ABI3BP: variants seen among roughly 807,000 people sequenced by gnomAD.
ABI3BP encodes the protein target of Nesh-SH3.
Under a neutral mutation model 268.6 loss-of-function variants are expected in ABI3BP, and 216 were observed. The observed-to-expected ratio is 0.80, with a 90% CI of 0.72 to 0.90. The LOEUF is 0.90. ABI3BP is among the 40% of genes least tolerant of loss of function. The probability of loss-of-function intolerance (pLI) is 0.00; values close to 1 mark genes in which losing one functional copy is unlikely to be tolerated. For missense variants in ABI3BP, 2,090 were observed against 2,182.4 expected (o/e 0.96, Z 0.84); for synonymous variants, 730 against 730.0 (o/e 1.00, Z 0.00).
intron 63 of ABI3BP, among the ~76,000 whole-genome samples, chr3:100,762,544 G>A (rs2096030238): frequency 6.6e-6 from 1 of 151,982 alleles, no homozygotes; most frequent in Admixed American, 6.6e-5. Flanking sequence ...CTTTTTTTAT[G>A]ATCTCCAATT....
chr3:100,841,040 C>T (rs1037672568), intron 21 of ABI3BP, among the ~76,000 whole-genome samples, 182 bp from the exon 22 acceptor site: 27 of 151,502 alleles, frequency 1.8e-4, no homozygotes, highest in African/African-American at 6.1e-4. Context: ...TTCGACAAAG[C>T]GAACAAAAAA....
At chr3:100,938,426 C>T (rs1028127629) in intron 1 of ABI3BP, among the ~76,000 whole-genome samples, 7 of 151,970 alleles carry the variant, frequency 4.6e-5, no homozygotes, top group African/African-American at 1.7e-4. Flanking sequence ...TGTCCTGCCA[C>T]CAGGAATCCA....
chr3:100,863,212 A>T (rs1343909568), intron 12 of ABI3BP: 2 of 230,826 alleles, frequency 8.7e-6, no homozygotes, highest in Non-Finnish European at 1.6e-5. Context: ...TATTTCATTT[A>T]AATTTAAACC....
chr3:100,969,977 T>C (rs2082867146), intron 1 of ABI3BP, among the ~76,000 whole-genome samples: 2 of 152,214 alleles, frequency 1.3e-5, no homozygotes, highest in African/African-American at 2.4e-5. Context: ...TCATGTTACA[T>C]AGGAGTTACA....
rs997172564 is a variant in ABI3BP at position 100,813,853 on chromosome 3, A to G, written c.3290-118T>C. ...CCCTGAAAATCATGAGGTTATGGAG[A>G]GCCATACAGAATGTGCCCTATTTAA... On this transcript the variant is annotated intron_variant, in intron 44 of 67. Transcript: ENST00000471714. 7 of 834,356 alleles carry G rather than the reference A, an allele frequency of 8.4e-6. No individual in the cohort carries two copies. The African/African-American group carries it at 1.0e-4, about 12-fold the overall frequency. The allele number at this position is 834,356 out of a possible 1,614,324, so 51.7% of individuals were successfully genotyped here. A position where few individuals can be genotyped will look rare whatever the true frequency, so the allele number is the denominator to read the frequency against.
At chr3:100,852,503 C>T (rs74767329) in intron 14 of ABI3BP, among the ~76,000 whole-genome samples, 3,041 of 152,246 alleles carry the variant, frequency 0.02, 92 homozygotes, top group African/African-American at 0.068. Context: ...ACTTTGTAGA[C>T]AATAGGAGGT....
intron 63 of ABI3BP, among the ~76,000 whole-genome samples, chr3:100,758,904 A>G (rs774667957): frequency 1.6e-4 from 25 of 152,232 alleles, no homozygotes; most frequent in Non-Finnish European, 2.6e-4. Context: ...TTTCTTCTTT[A>G]GTGGAAGAGG....
intron 14 of ABI3BP, among the ~76,000 whole-genome samples, chr3:100,859,141 T>C (rs920546532): frequency 6.6e-6 from 1 of 152,168 alleles, no homozygotes; most frequent in African/African-American, 2.4e-5. Context: ...TTCTCCATCA[T>C]TGTAATAAGT....
At chr3:100,928,989 T>C (rs1484577089) in intron 1 of ABI3BP, among the ~76,000 whole-genome samples, 1 of 152,072 alleles carries the variant, frequency 6.6e-6, no homozygotes, top group Non-Finnish European at 1.5e-5. Context: ...TTTTTTCCCT[T>C]TTTAATAATG....
chr3:100,848,804 G>A lies in ABI3BP; in HGVS notation c.1573C>T (p.Pro525Ser), dbSNP rs775810867. 1 of 1,611,168 alleles carries A rather than the reference G, an allele frequency of 6.2e-7. No individual in the cohort carries two copies. The change falls in exon 18 of 68, where the codon CCT becomes TCT. Residue 525 changes from proline to serine, a missense_variant. Transcript: ENST00000471714. Reference protein sequence around the residue: ...RPRPKPPRTKPERTTSAGTIT... With the variant: ...RPRPKPPRTKSERTTSAGTIT... The stretch of plus-strand genomic sequence containing the variant: ...GTAAATATAAAGAGACATTTACCAG[G>A]TTTGGTTCTTGGCGGTTTGGGCCGG...
At chr3:100,817,237 C>G (rs763660115) in intron 42 of ABI3BP, among the ~76,000 whole-genome samples, 199 bp downstream of exon 42, 8 of 152,138 alleles carry the variant, frequency 5.3e-5, no homozygotes, top group Non-Finnish European at 1.2e-4. Flanking sequence ...TAGGTCCATG[C>G]ATAGCTTTTG....
chr3:100,895,387 T>C (rs1333502687), intron 4 of ABI3BP, among the ~76,000 whole-genome samples: 1 of 152,216 alleles, frequency 6.6e-6, no homozygotes, highest in African/African-American at 2.4e-5. Context: ...ATTTCATTGA[T>C]ACTTCCAAGC....
At chr3:100,865,653 A>G (rs1211788720) in intron 10 of ABI3BP, among the ~76,000 whole-genome samples, 1 of 152,198 alleles carries the variant, frequency 6.6e-6, no homozygotes, top group Non-Finnish European at 1.5e-5. Flanking sequence ...AACCCTGAGT[A>G]ATAAGTTGTG....
At chr3:100,971,372 T>C (rs1042779144) in intron 1 of ABI3BP, among the ~76,000 whole-genome samples, 2 of 152,116 alleles carry the variant, frequency 1.3e-5, no homozygotes, top group African/African-American at 4.8e-5. Flanking sequence ...TAAGCATCGG[T>C]AAATAAAAAG....
intron 2 of ABI3BP, chr3:100,914,408 C>T (rs906941871): frequency 6.6e-6 from 3 of 454,606 alleles, no homozygotes; most frequent in Non-Finnish European, 1.3e-5. Flanking sequence ...TGAGCTCATA[C>T]TAAAGGTTAA....
intron 54 of ABI3BP, among the ~76,000 whole-genome samples, chr3:100,794,241 C>T (rs1273115205): frequency 6.6e-6 from 1 of 152,006 alleles, no homozygotes; most frequent in Non-Finnish European, 1.5e-5. Context: ...ATCCTAGGCA[C>T]CCTGTCGGCT....
At chr3:100,814,835 T>G (rs1268767180) in intron 44 of ABI3BP, among the ~76,000 whole-genome samples, 1 of 152,152 alleles carries the variant, frequency 6.6e-6, no homozygotes, top group East Asian at 1.9e-4. Flanking sequence ...CTTTGTTAGA[T>G]ACAGTCCTTA....
chr3:100,768,742 T>C (rs1185034504), intron 62 of ABI3BP, among the ~76,000 whole-genome samples: 3 of 152,334 alleles, frequency 2.0e-5, no homozygotes, highest in East Asian at 3.9e-4. Context: ...GCTCAAACAG[T>C]CTAATTTTAT....
At chr3:100,765,765 T>G (rs2096244492) in intron 63 of ABI3BP, 76 bp downstream of exon 63, 10 of 1,106,844 alleles carry the variant, frequency 9.0e-6, no homozygotes, top group South Asian at 1.4e-5. Context: ...GAGAAGATGA[T>G]TATCATTTCT....
Sources: gnomAD v4.1 joint callset for allele counts (sites outside exome capture counted in the v4.1 genomes callset) on GRCh38, gnomAD v4.1.1 for gene constraint, MANE v1.5 for transcripts, NCBI Gene and HGNC (gene_info 2026-07-23, HGNC 2026-07-21) for gene names.